The following DROSHA variants were observed in gnomAD, a reference collection of about 807,000 sequenced individuals.
DROSHA encodes the protein drosha ribonuclease III.
In DROSHA, 56 loss-of-function variants were observed where a neutral mutation model predicts 181.9. The ratio of observed to expected loss-of-function variants is 0.31; its 90% CI spans 0.25 to 0.38. The LOEUF (loss-of-function observed/expected upper bound fraction) is 0.38. DROSHA is among the 10% of genes least tolerant of loss of function. The probability of loss-of-function intolerance (pLI) is 1.00; values close to 1 mark genes in which losing one functional copy is unlikely to be tolerated. For missense variants in DROSHA, 1,218 were observed against 1,743.5 expected (o/e 0.70, Z 5.37); for synonymous variants, 524 against 591.2 (o/e 0.89, Z 1.65).
At chr5:31,468,398 A>G (rs1298455799) in intron 17 of DROSHA, among the ~76,000 whole-genome samples, 1 of 152,216 alleles carries the variant, frequency 6.6e-6, no homozygotes, top group African/African-American at 2.4e-5. Context: ...GAAGGATTCC[A>G]CATCACAGGC....
intron 20 of DROSHA, among the ~76,000 whole-genome samples, chr5:31,462,149 AT>A (rs1186832593): frequency 2.0e-5 from 3 of 152,008 alleles, no homozygotes; most frequent in Non-Finnish European, 4.4e-5. Context: ...ATTTTCATTC[AT>A]TTATATGCAG....
chr5:31,482,796 A>C (rs2150035852), intron 16 of DROSHA, among the ~76,000 whole-genome samples: 1 of 152,028 alleles, frequency 6.6e-6, no homozygotes, highest in South Asian at 2.1e-4. Context: ...AGGCAACCAA[A>C]AGATTTCATT....
At chr5:31,504,448 A>T (rs1298350591) in intron 11 of DROSHA, 107 bp downstream of exon 11, 8 of 1,254,596 alleles carry the variant, frequency 6.4e-6, no homozygotes, top group Non-Finnish European at 6.7e-6. Context: ...GGGAATATGA[A>T]GAGAATTTTG....
chr5:31,466,092 T>C lies in DROSHA; in HGVS notation c.2466+90A>G, dbSNP rs1310645066. Reference sequence around the variant, plus strand: ...TTTTTAAAAAAATATTTTTCCATCTTGTACCAGAAGTATAGTGTGATACAA... The same window carrying C: ...TTTTTAAAAAAATATTTTTCCATCTCGTACCAGAAGTATAGTGTGATACAA... On this transcript the variant is annotated intron_variant, in intron 19 of 35. Coordinates refer to ENST00000344624, the MANE Select transcript of DROSHA (RefSeq NM_001382508.1). 3.9e-6 allele frequency: 5 copies of C among 1,292,866 alleles called. No individual in the cohort carries two copies. In the African/African-American group the frequency reaches 7.4e-5, roughly 19 times the overall value. 80.1% of individuals were successfully genotyped at this position (1,292,866 alleles called of 1,614,324 possible). A position where few individuals can be genotyped will look rare whatever the true frequency, so the allele number is the denominator to read the frequency against.
At chr5:31,466,495 T>C in intron 18 of DROSHA, 1 of 474,186 alleles carries the variant, frequency 2.1e-6, no homozygotes, top group South Asian at 2.5e-5. Context: ...TTAAGTTGAT[T>C]ATTGCTTATT....
At chr5:31,480,203 T>TATATATATATATATATATATATAC (rs1345858192) in intron 16 of DROSHA, among the ~76,000 whole-genome samples, 17 of 140,204 alleles carry the variant, frequency 1.2e-4, no homozygotes, top group Non-Finnish European at 1.8e-4. Flanking sequence ...TATATATATA[T>TATATATATATATATATATATATAC]ACTGAAAATA....
At chr5:31,493,937 T>TTGTGTGTGTGTGTGTG (rs67311624) in intron 12 of DROSHA, among the ~76,000 whole-genome samples, 24 of 144,812 alleles carry the variant, frequency 1.7e-4, no homozygotes, top group African/African-American at 4.2e-4. Flanking sequence ...TAACCCACCA[T>TTGTGTGTGTGTGTGTG]TGTGTGTGTG....
intron 13 of DROSHA, among the ~76,000 whole-genome samples, chr5:31,492,808 G>A (rs1235129832): frequency 1.3e-5 from 2 of 152,160 alleles, no homozygotes; most frequent in African/African-American, 2.4e-5. Context: ...ATGAATTCAG[G>A]CTCCAAACGT....
At chr5:31,502,248 C>T (rs1329172801) in intron 11 of DROSHA, among the ~76,000 whole-genome samples, 1 of 152,236 alleles carries the variant, frequency 6.6e-6, no homozygotes, top group Non-Finnish European at 1.5e-5. Flanking sequence ...GGCTAGAGTA[C>T]AAGCAGCCCT....
At chr5:31,501,901 T>C in intron 11 of DROSHA, among the ~76,000 whole-genome samples, 1 of 152,170 alleles carries the variant, frequency 6.6e-6, no homozygotes. Context: ...GACATTACGA[T>C]GATCAGGCTA....
At chr5:31,441,260 A>T (rs1224875093) in intron 23 of DROSHA, among the ~76,000 whole-genome samples, 1 of 152,060 alleles carries the variant, frequency 6.6e-6, no homozygotes, top group Non-Finnish European at 1.5e-5. Context: ...AAATTTTAAA[A>T]ATGAGCTGGG....
intron 9 of DROSHA, 63 bp from the exon 10 acceptor site, chr5:31,508,838 C>CCCTGAGTT: frequency 2.8e-6 from 4 of 1,415,666 alleles, no homozygotes; most frequent in Non-Finnish European, 2.8e-6. Context: ...TTTTTTTTTT[C>CCCTGAGTT]CCTGAGTTGG....
rs374512467 is a variant in DROSHA, at chr5:31,511,022, G to C, written c.1432+13C>G. The C allele has an allele frequency of 1.2e-5, 19 of 1,613,670 alleles. No individual in the cohort carries two copies. Among genetic ancestry groups the C allele is most frequent in the African/African-American group, 8.0e-5 (6 of 74,928 alleles). On this transcript the variant is annotated intron_variant, in intron 9 of 35. Transcript: ENST00000344624. ...TCGCAAGGGTCTCAGGCTAGTTAGT[G>C]ACTCTGACTCACCTAAATCTTCATC... is the stretch of plus-strand genomic sequence containing the variant.
intron 25 of DROSHA, 114 bp from the exon 26 acceptor site, chr5:31,431,792 G>T: frequency 1.2e-6 from 1 of 847,554 alleles, no homozygotes; most frequent in East Asian, 2.5e-5. Context: ...GCAGCGTAAT[G>T]GTTACAAATC....
At chr5:31,467,881 A>T in intron 18 of DROSHA, 58 bp downstream of exon 18, 1 of 1,587,542 alleles carries the variant, frequency 6.3e-7, no homozygotes, top group Non-Finnish European at 8.6e-7. Flanking sequence ...TTTCTCTGCT[A>T]ATTTGGCTGT....
rs1174131815 is a variant in DROSHA, at chr5:31,422,990, T to C, written c.3262-46A>G. The C allele has an allele frequency of 4.1e-6, 6 of 1,455,340 alleles. No homozygotes were observed. In the South Asian group the frequency reaches 6.0e-5, roughly 14 times the overall value. 90.2% of individuals were successfully genotyped at this position (1,455,340 alleles called of 1,614,324 possible). A position where few individuals can be genotyped will look rare whatever the true frequency, so the allele number is the denominator to read the frequency against. On this transcript the variant is annotated intron_variant, in intron 28 of 35. Coordinates refer to ENST00000344624, the MANE Select transcript of DROSHA (RefSeq NM_001382508.1). Reference sequence around the variant, plus strand: ...ATAAAAATCATTTTTTCATTTTTGGTTGTAAGTGCAATGATCAATTCTAGG... The same window carrying C: ...ATAAAAATCATTTTTTCATTTTTGGCTGTAAGTGCAATGATCAATTCTAGG...
intron 23 of DROSHA, among the ~76,000 whole-genome samples, chr5:31,438,005 T>G (rs778269117): frequency 6.6e-6 from 1 of 152,164 alleles, no homozygotes. Context: ...CCGATGCCCC[T>G]CATCAAAATT....
At position 31,437,912 on chromosome 5, in the gene DROSHA, C is replaced by T. The variant is rs149686699; in HGVS notation, c.2883-614G>A. ...CCCTGCCACCCTAGAGCCTTCCACT[C>T]TCTCGCATACAATGAGCCACACTGA... On this transcript the variant is annotated intron_variant, in intron 23 of 35. Transcript: ENST00000344624. 4.7e-4 allele frequency among the ~76,000 whole-genome samples: 71 copies of T among 152,322 alleles called. No homozygotes were observed. In the East Asian group the frequency reaches 0.013, roughly 28 times the overall value.
chr5:31,484,504 C>CGT (rs369474665), intron 15 of DROSHA, among the ~76,000 whole-genome samples: 16 of 145,008 alleles, frequency 1.1e-4, no homozygotes, highest in African/African-American at 3.5e-4. Flanking sequence ...TGCGTGTGTG[C>CGT]ATGTGTGTGT....
Sources: allele counts gnomAD v4.1 joint callset (sites outside exome capture counted in the v4.1 genomes callset), GRCh38; gene constraint gnomAD v4.1.1; transcripts MANE v1.5; gene names NCBI Gene and HGNC (gene_info 2026-07-23, HGNC 2026-07-21).